The following NFIB variants were observed in gnomAD, a reference collection of about 807,000 sequenced individuals.
NFIB encodes nuclear factor I B.
Under a neutral mutation model 61.5 loss-of-function variants are expected in NFIB, and 11 were observed. The observed-to-expected ratio is 0.18, with a 90% CI of 0.11 to 0.30. The LOEUF (loss-of-function observed/expected upper bound fraction) is 0.30, where lower values mean the gene tolerates loss of function less well. Ranked by LOEUF, NFIB falls within the 10% of genes least tolerant of loss-of-function variation. NFIB has a pLI of 1.00. For missense variants in NFIB, 471 were observed against 608.9 expected, an observed-to-expected ratio of 0.77 and a Z score of 2.38; for synonymous variants, 260 against 216.5, an observed-to-expected ratio of 1.20 and a Z score of -1.76.
chr9:14,187,346 T>A lies in NFIB; in HGVS notation c.563-7566A>T, dbSNP rs563423655. Reference sequence around the variant, plus strand: ...TCTGAATATTTTGGCAGAACCAATATAATATTTGGGAGATGCAGTTTCCTG... The same window carrying A: ...TCTGAATATTTTGGCAGAACCAATAAAATATTTGGGAGATGCAGTTTCCTG... On this transcript the variant is annotated intron_variant, in intron 2 of 10. Transcript: ENST00000380953. Among the ~76,000 whole-genome samples, 10 of 152,298 alleles carry A rather than the reference T, an allele frequency of 6.6e-5. No individual in the cohort carries two copies. In the South Asian group the frequency reaches 2.1e-3, roughly 32 times the overall value.
chr9:14,255,110 T>C (rs1336075886), intron 2 of NFIB, among the ~76,000 whole-genome samples: 1 of 151,938 alleles, frequency 6.6e-6, no homozygotes, highest in Non-Finnish European at 1.5e-5. Flanking sequence ...GTAGTCCCAG[T>C]TTCTTGGGAG....
In NFIB at chr9:14,146,806, T is replaced by C. The variant is rs1009940768; in HGVS notation, c.808A>G (p.Lys270Glu). The C allele has an allele frequency of 1.2e-6, 2 of 1,604,108 alleles. No homozygotes were observed. Among genetic ancestry groups the C allele is most frequent in the South Asian group, 1.1e-5 (1 of 88,214 alleles). The change falls in exon 6 of 11, where the codon AAA becomes GAA. Residue 270 changes from lysine (K) to glutamate (E), a missense_variant and splice_region_variant. By Grantham distance (56) the Lys-to-Glu change is moderately conservative. This residue lies in a region of NFIB where 372 missense variants were observed against 395.6 expected (regional missense o/e 0.94). Coordinates refer to ENST00000380953, the MANE Select transcript of NFIB (RefSeq NM_001190737.2). ...TCTATGGATATAGTTTTGGGTCTTTTGCTGTTAAAATATGGCAATAGTTAT... is the reference window on the plus strand; with the variant it reads ...TCTATGGATATAGTTTTGGGTCTTTCGCTGTTAAAATATGGCAATAGTTAT... ...QRSLSSPPSS[K>E]RPKTISIDEN...
intron 2 of NFIB, among the ~76,000 whole-genome samples, chr9:14,299,023 T>C (rs1041377001): frequency 4.6e-5 from 7 of 152,140 alleles, no homozygotes; most frequent in Non-Finnish European, 7.4e-5. Context: ...AATAATAAAA[T>C]ACAAGTTGTC....
intron 2 of NFIB, among the ~76,000 whole-genome samples, chr9:14,230,352 T>C (rs753744989): frequency 2.0e-5 from 3 of 152,150 alleles, no homozygotes; most frequent in Non-Finnish European, 4.4e-5. Context: ...CTATTTCCAA[T>C]GGGTATTAAC....
At chr9:14,369,608 C>A (rs1480643289) in intron 1 of NFIB, among the ~76,000 whole-genome samples, 1 of 152,146 alleles carries the variant, frequency 6.6e-6, no homozygotes, top group Non-Finnish European at 1.5e-5. Context: ...CTCTGCTTTC[C>A]CTCATGTCTT....
intron 10 of NFIB, among the ~76,000 whole-genome samples, chr9:14,088,628 A>G (rs1048498429): frequency 3.3e-5 from 5 of 152,148 alleles, no homozygotes; most frequent in Non-Finnish European, 7.4e-5. Context: ...ATTTTACATT[A>G]ATCAATATAA....
chr9:14,425,359 G>C, the NFIB span, among the ~76,000 whole-genome samples: 3 of 152,074 alleles, frequency 2.0e-5, no homozygotes, highest in Admixed American at 2.0e-4. Flanking sequence ...CCTGCCTTTA[G>C]TATTTGTACC....
At chr9:14,210,661 G>A (rs920802286) in intron 2 of NFIB, among the ~76,000 whole-genome samples, 7 of 151,872 alleles carry the variant, frequency 4.6e-5, no homozygotes, top group Non-Finnish European at 8.8e-5. Context: ...ACAATGATCT[G>A]TCACTTTATA....
chr9:14,277,673 T>C (rs1451912598), intron 2 of NFIB, among the ~76,000 whole-genome samples: 1 of 152,202 alleles, frequency 6.6e-6, no homozygotes, highest in East Asian at 1.9e-4. Context: ...GAATTTCAGA[T>C]GTCCTCTGCA....
intron 1 of NFIB, chr9:14,322,408 C>G (rs2060684736): frequency 4.3e-6 from 1 of 234,812 alleles, no homozygotes; most frequent in African/African-American, 2.2e-5. Flanking sequence ...CGGTCAGATG[C>G]AGCCGGCACG....
In NFIB at chr9:14,247,138, T is replaced by A. The variant is rs73645023; in HGVS notation, c.562+59851A>T. Among the ~76,000 whole-genome samples, 1,345 of 152,238 alleles carry A rather than the reference T, an allele frequency of 8.8e-3. 26 individuals carry two copies. The highest frequency in any genetic ancestry group is 0.03 in the African/African-American group (1,252 of 41,540). Reference sequence around the variant, plus strand: ...CCTCCAGGACTGTGAGAAAAGAAATTTCTACCATTTAAGCCACCCAGTCTA... The same window carrying A: ...CCTCCAGGACTGTGAGAAAAGAAATATCTACCATTTAAGCCACCCAGTCTA... On this transcript the variant is annotated intron_variant, in intron 2 of 10. Coordinates refer to ENST00000380953, the MANE Select transcript of NFIB (RefSeq NM_001190737.2).
At chr9:14,420,083 G>A in the NFIB span, among the ~76,000 whole-genome samples, 1 of 152,056 alleles carries the variant, frequency 6.6e-6, no homozygotes, top group African/African-American at 2.4e-5. Flanking sequence ...AACAAGTATA[G>A]TCCCCAAACT....
chr9:14,518,375 C>T, the NFIB span, among the ~76,000 whole-genome samples: 16 of 152,114 alleles, frequency 1.1e-4, no homozygotes, highest in Admixed American at 9.2e-4. Flanking sequence ...CCTTCTGTAC[C>T]CATCTCTGTC....
Position 14,313,784 on chromosome 9 carries a change from G to GGCC in NFIB, c.-276_-274dup, listed in dbSNP as rs543371393. 1.3e-5 allele frequency: 18 copies of GGCC among 1,339,632 alleles called. No individual in the cohort carries two copies. The highest frequency in any genetic ancestry group is 1.3e-4 in the African/African-American group (9 of 67,028). 83.0% of individuals were successfully genotyped at this position (1,339,632 alleles called of 1,614,324 possible). On this transcript the variant is annotated 5_prime_UTR_variant, in exon 1 of 11. Transcript: ENST00000380953. This position sits in a 1 kb window ranked among gnomAD's most constrained non-coding sequence, Gnocchi z 4.5. ...CGAGCGCGCTGGCCGTGCTTGCCGA[G>GGCC]GCCGCCGCCGCCGCCGGTGTTGGCT...
chr9:14,402,915 CA>C (rs1338273552), upstream of NFIB, among the ~76,000 whole-genome samples: 1 of 152,114 alleles, frequency 6.6e-6, no homozygotes, highest in African/African-American at 2.4e-5. Context: ...TATCCTGCAA[CA>C]AAAAGTAGTC....
chr9:14,166,186 CTCTA>C (rs1250057392), intron 3 of NFIB, among the ~76,000 whole-genome samples: 2 of 151,984 alleles, frequency 1.3e-5, no homozygotes, highest in Admixed American at 6.6e-5. Context: ...CATGATTAGT[CTCTA>C]TCTATATTTT....
intron 10 of NFIB, among the ~76,000 whole-genome samples, chr9:14,092,268 G>C (rs1015123863): frequency 2.6e-5 from 4 of 152,058 alleles, no homozygotes; most frequent in African/African-American, 9.7e-5. Context: ...GCATGCTTCA[G>C]GTTGTAGCAA....
At chr9:14,133,140 C>A (rs1439457201) in intron 6 of NFIB, among the ~76,000 whole-genome samples, 1 of 152,006 alleles carries the variant, frequency 6.6e-6, no homozygotes, top group Admixed American at 6.6e-5. Context: ...TTTCAAAGTT[C>A]TTCATTTTTT....
intron 2 of NFIB, among the ~76,000 whole-genome samples, chr9:14,217,716 T>A (rs924002396): frequency 6.7e-6 from 1 of 150,292 alleles, no homozygotes; most frequent in African/African-American, 2.5e-5. Context: ...TTTATATTAT[T>A]TTGGAAGACT....
Sources: gnomAD v4.1 joint callset for allele counts (sites outside exome capture counted in the v4.1 genomes callset) on GRCh38, gnomAD v4.1.1 for gene constraint, gnomAD v4.1.1 regional missense constraint, Gnocchi (gnomAD v3.1) non-coding constraint, MANE v1.5 for transcripts, NCBI Gene and HGNC (gene_info 2026-07-23, HGNC 2026-07-21) for gene names.